The following AMZ2 variants were observed in gnomAD, a reference collection of about 807,000 sequenced individuals.
AMZ2 encodes archaelysin family metallopeptidase 2, also known as archaemetzincin-2.
In AMZ2, 26 loss-of-function variants were observed where a neutral mutation model predicts 36.7. The ratio of observed to expected loss-of-function variants is 0.71; its 90% CI spans 0.52 to 0.98. The LOEUF is 0.98. Among genes scored for constraint, AMZ2 ranks in the 50% least tolerant of loss-of-function variants. The pLI, the probability that AMZ2 is intolerant of heterozygous loss-of-function variation, is 0.00. For missense variants in AMZ2, 394 were observed against 430.5 expected (o/e 0.92, Z 0.75); for synonymous variants, 144 against 149.1 (o/e 0.97, Z 0.25).
chr17:68,209,150 T>TA (rs1555725102), intron 1 of AMZ2, among the ~76,000 whole-genome samples: 1 of 152,120 alleles, frequency 6.6e-6, no homozygotes, highest in East Asian at 1.9e-4. Flanking sequence ...TTATGTCTTA[T>TA]ATGTAGAAAG....
intron 1 of AMZ2, among the ~76,000 whole-genome samples, chr17:68,222,747 C>T (rs555664536): frequency 3.3e-5 from 5 of 152,220 alleles, no homozygotes; most frequent in East Asian, 3.9e-4. Flanking sequence ...CTAATGCCAC[C>T]GCTGATCTGA....
intron 1 of AMZ2, among the ~76,000 whole-genome samples, chr17:68,229,377 C>G (rs1203905870): frequency 2.0e-5 from 3 of 152,196 alleles, no homozygotes; most frequent in Non-Finnish European, 4.4e-5. Context: ...ACAGGGAGTT[C>G]CTGCTCAGTC....
intron 1 of AMZ2, among the ~76,000 whole-genome samples, chr17:68,219,714 T>TTTTTTTTTG (rs2073297878): frequency 6.6e-6 from 1 of 151,286 alleles, no homozygotes; most frequent in African/African-American, 2.4e-5. Flanking sequence ...TTTTTTTTTT[T>TTTTTTTTTG]GTAGAGATGA....
At position 68,251,036 on chromosome 17, in the gene AMZ2, T is replaced by G. The variant is rs782277446; in HGVS notation, c.458-14T>G. 1.9e-6 allele frequency: 3 copies of G among 1,607,146 alleles called. No individual in the cohort carries two copies. In the African/African-American group the frequency reaches 4.0e-5, roughly 22 times the overall value. ...AATATACACTCATACATTTATGTAT[T>G]TCTTTTTAAATAGGGGACATCCTGA... On this transcript the variant is annotated splice_polypyrimidine_tract_variant and intron_variant, in intron 3 of 6. Coordinates refer to ENST00000359904, the MANE Select transcript of AMZ2 (RefSeq NM_016627.5).
chr17:68,209,413 C>A (rs1460711008), intron 1 of AMZ2, among the ~76,000 whole-genome samples: 2 of 149,816 alleles, frequency 1.3e-5, no homozygotes, highest in Non-Finnish European at 3.0e-5. Flanking sequence ...AGGCTGGTCT[C>A]AAATTGCTGA....
At chr17:68,239,326 A>AG (rs1483137150) in intron 1 of AMZ2, among the ~76,000 whole-genome samples, 1 of 152,092 alleles carries the variant, frequency 6.6e-6, no homozygotes, top group Admixed American at 6.5e-5. Flanking sequence ...TTGCCTGCTG[A>AG]GGGGGGTCTG....
intron 1 of AMZ2, among the ~76,000 whole-genome samples, chr17:68,232,234 C>G (rs1189256495): frequency 2.0e-5 from 3 of 151,524 alleles, no homozygotes; most frequent in African/African-American, 7.3e-5. Context: ...TGATGTCTCA[C>G]GTCTATAATC....
chr17:68,255,465 T>C (rs1174423185), intron 5 of AMZ2, among the ~76,000 whole-genome samples: 2 of 152,182 alleles, frequency 1.3e-5, no homozygotes, highest in Non-Finnish European at 2.9e-5. Flanking sequence ...AACCTGGTAT[T>C]ATCGGTCCAA....
At chr17:68,221,482 C>T (rs1555728535) in intron 1 of AMZ2, among the ~76,000 whole-genome samples, 1 of 152,134 alleles carries the variant, frequency 6.6e-6, no homozygotes, top group African/African-American at 2.4e-5. Context: ...GTAATCCCAG[C>T]ACTTTGGGAG....
In AMZ2 at chr17:68,231,195, C is replaced by T. The variant is rs180961382; in HGVS notation, c.-66-17445C>T. Among the ~76,000 whole-genome samples, 849 of 152,158 alleles carry T rather than the reference C, an allele frequency of 5.6e-3. 5 individuals are homozygous for T. Among genetic ancestry groups the T allele is most frequent in the African/African-American group, 0.019 (802 of 41,504 alleles). ...CCTCCTACCTCAGCCTCCCGAGTAG[C>T]TGGTACTACAGGAATGTGCCACCAC... On this transcript the variant is annotated intron_variant, in intron 1 of 7. Coordinates refer to the AMZ2 transcript ENST00000674770.
At chr17:68,218,360 AT>A (rs11388380) in intron 1 of AMZ2, among the ~76,000 whole-genome samples, 2 of 149,312 alleles carry the variant, frequency 1.3e-5, no homozygotes. Flanking sequence ...ATTATGTTTT[AT>A]TTTTTTTTTG....
intron 1 of AMZ2, among the ~76,000 whole-genome samples, chr17:68,232,232 C>A (rs1368592898): frequency 2.6e-5 from 4 of 151,416 alleles, no homozygotes; most frequent in Non-Finnish European, 5.9e-5. Flanking sequence ...CGTGATGTCT[C>A]ACGTCTATAA....
intron 1 of AMZ2, among the ~76,000 whole-genome samples, chr17:68,241,956 G>A (rs2073911580): frequency 6.6e-6 from 1 of 150,850 alleles, no homozygotes; most frequent in Non-Finnish European, 1.5e-5. Context: ...TGTTGGCCAG[G>A]CTGGTCTCAA....
chr17:68,213,368 A>G (rs375238735), intron 1 of AMZ2, among the ~76,000 whole-genome samples: 12 of 152,240 alleles, frequency 7.9e-5, no homozygotes, highest in African/African-American at 2.9e-4. Flanking sequence ...GGGCAGAGGG[A>G]TGGGCTACTT....
intron 6 of AMZ2, 80 bp from the exon 7 acceptor site, chr17:68,256,734 T>C: frequency 7.0e-7 from 1 of 1,436,240 alleles, no homozygotes; most frequent in Non-Finnish European, 9.5e-7. Flanking sequence ...CACCCTATGA[T>C]CTAGAAGCCA....
chr17:68,227,276 T>C (rs2144579054), intron 1 of AMZ2, among the ~76,000 whole-genome samples: 1 of 152,256 alleles, frequency 6.6e-6, no homozygotes, highest in East Asian at 1.9e-4. Context: ...GTGGGGATAC[T>C]AATAGGTCCT....
At chr17:68,208,337 A>G (rs372505834) in intron 1 of AMZ2, among the ~76,000 whole-genome samples, 35 of 152,294 alleles carry the variant, frequency 2.3e-4, no homozygotes, top group African/African-American at 7.9e-4. Flanking sequence ...AAATACACCA[A>G]TCGGCACTCT....
chr17:68,242,804 G>A (rs2073928920), intron 1 of AMZ2, among the ~76,000 whole-genome samples: 1 of 152,150 alleles, frequency 6.6e-6, no homozygotes, highest in African/African-American at 2.4e-5. Context: ...GGAAGGTGGA[G>A]GCATGCAGAT....
chr17:68,233,463 C>T (rs1187107030), intron 1 of AMZ2, among the ~76,000 whole-genome samples: 2 of 150,316 alleles, frequency 1.3e-5, no homozygotes, highest in Non-Finnish European at 3.0e-5. Context: ...GAGCCGATAC[C>T]GCACCACTGC....
Sources: allele counts gnomAD v4.1 joint callset (sites outside exome capture counted in the v4.1 genomes callset), GRCh38; gene constraint gnomAD v4.1.1; transcripts MANE v1.5; gene names NCBI Gene and HGNC (gene_info 2026-07-23, HGNC 2026-07-21).